The following ALDH4A1 variants were observed in gnomAD, a reference collection of about 807,000 sequenced individuals.
ALDH4A1 encodes the protein aldehyde dehydrogenase 4 family member A1, also known as delta-1-pyrroline-5-carboxylate dehydrogenase, mitochondrial.
A neutral mutation model predicts 70.5 loss-of-function variants in ALDH4A1; 46 were observed. The ratio of observed to expected loss-of-function variants is 0.65; its 90% CI spans 0.51 to 0.83. ALDH4A1 has a LOEUF of 0.83. ALDH4A1 is among the 40% of genes least tolerant of loss of function. The pLI is 0.00. For missense variants in ALDH4A1, 749 were observed against 766.5 expected, an observed-to-expected ratio of 0.98 and a Z score of 0.27; for synonymous variants, 323 against 324.3, an observed-to-expected ratio of 1.00 and a Z score of 0.04.
intron 4 of ALDH4A1, among the ~76,000 whole-genome samples, 158 bp from the exon 5 acceptor site, chr1:18,885,786 A>G (rs918320797): frequency 1.3e-5 from 2 of 152,088 alleles, no homozygotes; most frequent in African/African-American, 4.8e-5. Context: ...GCTGCCAACA[A>G]CAGCGTCCCA....
intron 1 of ALDH4A1, chr1:18,897,164 T>C: frequency 2.1e-6 from 1 of 479,812 alleles, no homozygotes; most frequent in Non-Finnish European, 4.3e-6. Context: ...AAATGCTCAT[T>C]GGAGCATTTT....
intron 1 of ALDH4A1, among the ~76,000 whole-genome samples, chr1:18,891,539 A>C (rs1032075516): frequency 6.6e-6 from 1 of 152,142 alleles, no homozygotes; most frequent in African/African-American, 2.4e-5. Context: ...GCATCTCAGT[A>C]AGATGCTGTT....
chr1:18,885,443 C>CCCCCCCACCCCGGG, intron 5 of ALDH4A1, 30 bp downstream of exon 5: 1 of 803,762 alleles, frequency 1.2e-6, no homozygotes, highest in Non-Finnish European at 2.0e-6. Flanking sequence ...CCCACCCCGC[C>CCCCCCCACCCCGGG]CCACCCACCC....
chr1:18,885,888 T>C (rs1935183764), intron 4 of ALDH4A1, among the ~76,000 whole-genome samples: 1 of 152,204 alleles, frequency 6.6e-6, no homozygotes, highest in Non-Finnish European at 1.5e-5. Flanking sequence ...CCCGCAGCTG[T>C]TACACTGGCT....
rs1208765146 is a variant in ALDH4A1 at position 18,898,413 on chromosome 1, A to C, written c.62+4049T>G. On this transcript the variant is annotated intron_variant, in intron 1 of 14. Coordinates refer to ENST00000375341, the MANE Select transcript of ALDH4A1 (RefSeq NM_003748.4). This position sits in a 1 kb window ranked among gnomAD's most constrained non-coding sequence, Gnocchi z 4.3. ...GGAATAAACAGAAGAGACCGAGGAC[A>C]TCTGAGTTCCATACCTCCCCTCCTG... Among the ~76,000 whole-genome samples, 1 of 152,216 alleles carries C rather than the reference A, an allele frequency of 6.6e-6. No homozygotes were observed. Among genetic ancestry groups the C allele is most frequent in the Non-Finnish European group, 1.5e-5 (1 of 68,030 alleles).
At position 18,880,204 on chromosome 1, in the gene ALDH4A1, C is replaced by A. The variant is rs1192869856; in HGVS notation, c.867-831G>T. Among the ~76,000 whole-genome samples the A allele has an allele frequency of 1.3e-5, 2 of 151,130 alleles. No individual in the cohort carries two copies. Among genetic ancestry groups the A allele is most frequent in the Non-Finnish European group, 3.0e-5 (2 of 67,794 alleles). ...AGCTGCGGGGAAGGGGGTGGCAGAG[C>A]CTGGGGCCTGGAAGAGGAGGTAAGA... On this transcript the variant is annotated intron_variant, in intron 8 of 14. Coordinates refer to ENST00000375341, the MANE Select transcript of ALDH4A1 (RefSeq NM_003748.4). This position sits in a 1 kb window ranked among gnomAD's most constrained non-coding sequence, Gnocchi z 5.1.
intron 14 of ALDH4A1, among the ~76,000 whole-genome samples, chr1:18,873,645 G>C (rs990608212): frequency 1.3e-5 from 2 of 152,216 alleles, no homozygotes; most frequent in Non-Finnish European, 2.9e-5. Context: ...CACATGCCAA[G>C]GGGGTGGCAC....
In ALDH4A1 at chr1:18,902,520, G is replaced by C; in HGVS notation, c.4C>G (p.Leu2Val). ...CGGCGGAGCGCGGGCGCCGGCAGCAGCATCTCGGGTTAGAAGCGGGGCTGT... is the reference window on the plus strand; with the variant it reads ...CGGCGGAGCGCGGGCGCCGGCAGCACCATCTCGGGTTAGAAGCGGGGCTGT... M[L>V]LPAPALRRAL... The change falls in exon 1 of 15, where the codon CTG becomes GTG. Residue 2 changes from leucine to valine, a missense_variant. Coordinates refer to ENST00000375341, the MANE Select transcript of ALDH4A1 (RefSeq NM_003748.4). 6.7e-7 allele frequency: 1 copy of C among 1,485,102 alleles called. No individual in the cohort carries two copies. The highest frequency in any genetic ancestry group is 8.9e-7 in the Non-Finnish European group (1 of 1,118,526). 92.0% of individuals were successfully genotyped at this position (1,485,102 alleles called of 1,614,324 possible). A position where few individuals can be genotyped will look rare whatever the true frequency, so the allele number is the denominator to read the frequency against.
intron 10 of ALDH4A1, 80 bp downstream of exon 10, chr1:18,877,336 C>G (rs1934744983): frequency 6.4e-7 from 1 of 1,555,158 alleles, no homozygotes; most frequent in Admixed American, 1.9e-5. Flanking sequence ...CACCCCAGCC[C>G]CGGCTGCAGA....
At chr1:18,896,966 C>T (rs1935638785) in intron 1 of ALDH4A1, 1 of 442,636 alleles carries the variant, frequency 2.3e-6, no homozygotes, top group African/African-American at 2.1e-5. Context: ...AAACATCAGG[C>T]AACATTTGTC....
intron 1 of ALDH4A1, among the ~76,000 whole-genome samples, chr1:18,897,712 C>G (rs140269017): frequency 6.6e-6 from 1 of 152,356 alleles, no homozygotes; most frequent in African/African-American, 2.4e-5. Flanking sequence ...CTGTTCCTTA[C>G]TCAGGAGACT....
intron 5 of ALDH4A1, chr1:18,885,198 G>A: frequency 2.0e-6 from 1 of 509,254 alleles, no homozygotes; most frequent in South Asian, 2.1e-5. Context: ...CACCAGTCCA[G>A]GCAAAGCATG....
At position 18,879,512 on chromosome 1, in the gene ALDH4A1, G is replaced by A. The variant is rs144614478; in HGVS notation, c.867-139C>T. On this transcript the variant is annotated intron_variant, in intron 8 of 14. Transcript: ENST00000375341. The stretch of plus-strand genomic sequence containing the variant: ...CGGGGATGGCGGCTGGGAACAGGCT[G>A]CATTCCAAGACTACGGGGAGCGGGC... 4.1e-4 allele frequency: 315 copies of A among 761,606 alleles called. No homozygotes were observed. In the African/African-American group the frequency reaches 5.1e-3, roughly 12 times the overall value. 47.2% of individuals were successfully genotyped at this position (761,606 alleles called of 1,614,324 possible).
At chr1:18,877,284 C>G (rs542189193) in intron 10 of ALDH4A1, 29 bp from the exon 11 acceptor site, 5 of 1,594,364 alleles carry the variant, frequency 3.1e-6, no homozygotes, top group Non-Finnish European at 2.6e-6. Context: ...CCAGAAGAGA[C>G]GAGTCACTGC....
rs928123622 is a variant in ALDH4A1 at position 18,898,165 on chromosome 1, A to T, written c.62+4297T>A. ...ACCCCGTCTCTACGAAAAAAAAAAA[A>T]TACAAAAATTAGCTGGGTATGGTGA... On this transcript the variant is annotated intron_variant, in intron 1 of 14. Transcript: ENST00000375341. This position sits in a 1 kb window ranked among gnomAD's most constrained non-coding sequence, Gnocchi z 4.3. 3.3e-5 allele frequency among the ~76,000 whole-genome samples: 5 copies of T among 151,932 alleles called. No individual in the cohort carries two copies. The highest frequency in any genetic ancestry group is 7.4e-5 in the Non-Finnish European group (5 of 67,970).
rs1318658936 is a variant in ALDH4A1 at position 18,883,315 on chromosome 1, G to A, written c.567C>T (p.Pro189=). 6.2e-7 allele frequency: 1 copy of A among 1,613,174 alleles called. No homozygotes were observed. Among genetic ancestry groups the A allele is most frequent in the Non-Finnish European group, 8.5e-7 (1 of 1,180,050 alleles). The change falls in exon 6 of 15, where the codon CCC becomes CCT. Residue 189 remains proline, a synonymous_variant. Transcript: ENST00000375341. ...GGTACACCGTGCTGTTGGTGCTCGG[G>A]GGCACGCTGATGGGCTGCTGCCCCT... The part of the protein sequence containing the change: ...ELEGQQPISV[P]PSTNSTVYRG...
intron 3 of ALDH4A1, among the ~76,000 whole-genome samples, chr1:18,888,299 G>T (rs374387862): frequency 2.0e-5 from 3 of 152,190 alleles, no homozygotes; most frequent in Non-Finnish European, 4.4e-5. Context: ...TGATGCTTAA[G>T]GGCAGAGAAG....
chr1:18,879,782 G>C (rs531515738), intron 8 of ALDH4A1, among the ~76,000 whole-genome samples: 17 of 152,166 alleles, frequency 1.1e-4, no homozygotes. Context: ...AACAGACCCC[G>C]CTGTGGTCTG....
chr1:18,881,593 A>G lies in ALDH4A1; in HGVS notation c.866+107T>C, dbSNP rs958835389. 89 of 1,225,434 alleles carry G rather than the reference A, an allele frequency of 7.3e-5. No individual in the cohort carries two copies. The African/African-American group carries it at 1.2e-3, about 17-fold the overall frequency. The allele number at this position is 1,225,434 out of a possible 1,614,324, so 75.9% of individuals were successfully genotyped here. A position where few individuals can be genotyped will look rare whatever the true frequency, so the allele number is the denominator to read the frequency against. ...AGCCACACAGCAAGTAAGGGAGTAG[A>G]GTCCGTGCATGACCCCTGGGTTCAC... On this transcript the variant is annotated intron_variant, in intron 8 of 14. Transcript: ENST00000375341.
Sources: allele counts gnomAD v4.1 joint callset (sites outside exome capture counted in the v4.1 genomes callset), GRCh38; gene constraint gnomAD v4.1.1; non-coding constraint Gnocchi (gnomAD v3.1); transcripts MANE v1.5; gene names NCBI Gene and HGNC (gene_info 2026-07-23, HGNC 2026-07-21).